Variants in MAGI2 observed in about 807,000 individuals in gnomAD.
MAGI2 encodes membrane associated guanylate kinase, WW and PDZ domain containing 2, also known as membrane-associated guanylate kinase, WW and PDZ domain-containing protein 2.
In MAGI2, 35 loss-of-function variants were observed where a neutral mutation model predicts 133.3. That is an observed-to-expected ratio of 0.26 (90% CI 0.20 to 0.35). The LOEUF (loss-of-function observed/expected upper bound fraction) is 0.35. Ranked by LOEUF, MAGI2 falls within the 10% of genes least tolerant of loss-of-function variation. The pLI, the probability that MAGI2 is intolerant of heterozygous loss-of-function variation, is 1.00. For missense variants in MAGI2, 1,636 were observed against 1,863.4 expected, an observed-to-expected ratio of 0.88 and a Z score of 2.25; for synonymous variants, 729 against 710.6, an observed-to-expected ratio of 1.03 and a Z score of -0.41.
intron 13 of MAGI2, among the ~76,000 whole-genome samples, chr7:78,180,091 G>A (rs1399086025): frequency 6.6e-6 from 1 of 152,212 alleles, no homozygotes; most frequent in Non-Finnish European, 1.5e-5. Flanking sequence ...AATCTCTTCT[G>A]TAAGTCACTT....
intron 7 of MAGI2, among the ~76,000 whole-genome samples, chr7:78,352,148 A>G (rs1352960803): frequency 6.6e-6 from 1 of 152,174 alleles, no homozygotes; most frequent in Non-Finnish European, 1.5e-5. Context: ...CATTCATCGC[A>G]TATTTATTTC....
In MAGI2 at chr7:78,135,156, A is replaced by T; in HGVS notation, c.2896T>A (p.Cys966Ser). 6.2e-7 allele frequency: 1 copy of T among 1,614,196 alleles called. No homozygotes were observed. The highest frequency in any genetic ancestry group is 8.5e-7 in the Non-Finnish European group (1 of 1,180,028). Residue 966 changes from cysteine (C) to serine (S), a missense_variant, in exon 17 of 22, where the codon TGT (cysteine) becomes AGT (serine). Transcript: ENST00000354212. ...RIIDGSPADR[C>S]AKLKVGDRIL... ...CGGTCTCCCACTTTTAGTTTTGCAC[A>T]GCGATCTGCAGGACTCCCATCAATG...
chr7:78,258,398 T>A (rs1793204246), intron 9 of MAGI2, among the ~76,000 whole-genome samples: 1 of 152,170 alleles, frequency 6.6e-6, no homozygotes, highest in African/African-American at 2.4e-5. Flanking sequence ...TTTCTACATT[T>A]AAAAGGTTGA....
chr7:78,421,753 G>A (rs921195575), intron 6 of MAGI2, among the ~76,000 whole-genome samples: 5 of 152,210 alleles, frequency 3.3e-5, no homozygotes, highest in South Asian at 2.1e-4. Flanking sequence ...GCAGTGGGCC[G>A]TGATAGTGCC....
intron 17 of MAGI2, chr7:78,133,932 A>T (rs1446620339): frequency 6.6e-6 from 1 of 151,310 alleles, no homozygotes; most frequent in Non-Finnish European, 1.5e-5. Context: ...TTTTCCCCAC[A>T]GTCCAAATCT....
intron 1 of MAGI2, among the ~76,000 whole-genome samples, chr7:79,136,065 GAAGGAAA>G (rs1562929146): frequency 2.2e-3 from 272 of 125,662 alleles, no homozygotes; most frequent in Non-Finnish European, 3.0e-3. Context: ...AAGAAAGAAA[GAAGGAAA>G]GAAAGAAAGA....
At chr7:78,039,149 A>G (rs952149185) in intron 21 of MAGI2, among the ~76,000 whole-genome samples, 2 of 152,196 alleles carry the variant, frequency 1.3e-5, no homozygotes, top group African/African-American at 4.8e-5. Context: ...GCAGCCAAGT[A>G]CCTGGCCCTT....
At chr7:78,663,564 GT>G (rs1055160684) in intron 2 of MAGI2, among the ~76,000 whole-genome samples, 1 of 152,090 alleles carries the variant, frequency 6.6e-6, no homozygotes. Context: ...AAATATGCTT[GT>G]AAGGCATAAC....
At chr7:79,292,770 C>CAAAAAAAAA (rs199933554) in intron 1 of MAGI2, among the ~76,000 whole-genome samples, 697 of 57,362 alleles carry the variant, frequency 0.012, 216 homozygotes, top group Admixed American at 0.021. Context: ...TCAATTTCTG[C>CAAAAAAAAA]AAAAAAAAAA....
intron 20 of MAGI2, among the ~76,000 whole-genome samples, chr7:78,124,835 T>G (rs1248105507): frequency 1.3e-5 from 2 of 151,258 alleles, no homozygotes; most frequent in African/African-American, 2.4e-5. Flanking sequence ...ACTCTTAACT[T>G]TAATTGGAAA....
At chr7:79,377,432 G>A (rs1295113188) in intron 1 of MAGI2, among the ~76,000 whole-genome samples, 1 of 151,788 alleles carries the variant, frequency 6.6e-6, no homozygotes, top group Non-Finnish European at 1.5e-5. Flanking sequence ...TGGAGGACGA[G>A]ATTCATTGCC....
intron 2 of MAGI2, among the ~76,000 whole-genome samples, chr7:78,819,149 T>C (rs1317267092): frequency 1.3e-5 from 2 of 152,144 alleles, no homozygotes; most frequent in Non-Finnish European, 1.5e-5. Flanking sequence ...TTTTTCAAAA[T>C]TGATTTTGTA....
intron 1 of MAGI2, among the ~76,000 whole-genome samples, chr7:79,033,673 A>C (rs2066400101): frequency 6.6e-6 from 1 of 152,170 alleles, no homozygotes; most frequent in Admixed American, 6.6e-5. Flanking sequence ...CAGGATACAT[A>C]GTTGGTTAGA....
intron 2 of MAGI2, among the ~76,000 whole-genome samples, chr7:78,674,316 C>A (rs1585047897): frequency 1.3e-5 from 2 of 151,268 alleles, no homozygotes; most frequent in Admixed American, 6.6e-5. Context: ...GATTCTAAAT[C>A]AGAAGAAAAC....
chr7:78,471,097 T>A (rs1474935061), intron 6 of MAGI2, among the ~76,000 whole-genome samples: 2 of 152,126 alleles, frequency 1.3e-5, no homozygotes, highest in African/African-American at 4.8e-5. Context: ...TTATATTGTG[T>A]TAGAAGTGAA....
At chr7:78,589,396 TGGATTTG>T (rs775420228) in intron 3 of MAGI2, among the ~76,000 whole-genome samples, 4 of 152,182 alleles carry the variant, frequency 2.6e-5, no homozygotes, top group African/African-American at 7.2e-5. Context: ...TGATAAGTGA[TGGATTTG>T]GGATTTGGAC....
At chr7:79,069,694 T>C (rs552025063) in intron 1 of MAGI2, among the ~76,000 whole-genome samples, 1 of 152,364 alleles carries the variant, frequency 6.6e-6, no homozygotes, top group Non-Finnish European at 1.5e-5. Flanking sequence ...AGTTTCTTCA[T>C]AGCATTGATG....
chr7:79,105,493 G>C (rs1818371817), intron 1 of MAGI2, among the ~76,000 whole-genome samples: 1 of 152,064 alleles, frequency 6.6e-6, no homozygotes. Flanking sequence ...ATTCACATCT[G>C]GTCAAATCTC....
chr7:79,232,107 G>A (rs868539944), intron 1 of MAGI2, among the ~76,000 whole-genome samples: 68 of 152,124 alleles, frequency 4.5e-4, no homozygotes, highest in Middle Eastern at 3.4e-3. Flanking sequence ...ACTGATTTGC[G>A]TATATTGAAC....
Sources: gnomAD v4.1 joint callset for allele counts (sites outside exome capture counted in the v4.1 genomes callset) on GRCh38, gnomAD v4.1.1 for gene constraint, MANE v1.5 for transcripts, NCBI Gene and HGNC (gene_info 2026-07-23, HGNC 2026-07-21) for gene names.